Variants in ATG5 observed in about 807,000 individuals in gnomAD.
ATG5 encodes autophagy related 5.
Under a neutral mutation model 36.5 loss-of-function variants are expected in ATG5, and 14 were observed. The observed-to-expected ratio is 0.38, with a 90% confidence interval of 0.25 to 0.60. The LOEUF (loss-of-function observed/expected upper bound fraction) is 0.60, where lower values mean the gene tolerates loss of function less well. Ranked by LOEUF, ATG5 falls within the 20% of genes least tolerant of loss-of-function variation. ATG5 has a pLI of 0.60. For missense variants in ATG5, 195 were observed against 326.7 expected (o/e 0.60, Z 3.11); for synonymous variants, 95 against 101.5 (o/e 0.94, Z 0.38).
chr6:106,282,793 G>A (rs996113812), intron 4 of ATG5, among the ~76,000 whole-genome samples: 3 of 151,926 alleles, frequency 2.0e-5, no homozygotes, highest in African/African-American at 2.4e-5. Flanking sequence ...CATGGATTGA[G>A]ATTTTTTTAT....
At chr6:106,278,642 T>C (rs75527838) in intron 5 of ATG5, among the ~76,000 whole-genome samples, 26,513 of 152,208 alleles carry the variant, frequency 0.17, 2,723 homozygotes, top group African/African-American at 0.28. Context: ...TTTCTTTCTA[T>C]TCAAATTTCA....
intron 6 of ATG5, among the ~76,000 whole-genome samples, chr6:106,234,648 T>G (rs1777822905): frequency 6.6e-6 from 1 of 152,232 alleles, no homozygotes; most frequent in African/African-American, 2.4e-5. Flanking sequence ...TCATTCTTAG[T>G]GCCCCCATGA....
intron 7 of ATG5, among the ~76,000 whole-genome samples, chr6:106,191,630 T>C (rs967546716): frequency 6.6e-6 from 1 of 152,064 alleles, no homozygotes; most frequent in Admixed American, 6.6e-5. Context: ...CCAAGCAAAG[T>C]ACTCAGCAGC....
chr6:106,288,391 T>C (rs887131968), intron 4 of ATG5, among the ~76,000 whole-genome samples: 5 of 152,096 alleles, frequency 3.3e-5, no homozygotes, highest in African/African-American at 1.2e-4. Context: ...TAAAAACCAA[T>C]GAGAAAAGCT....
intron 6 of ATG5, among the ~76,000 whole-genome samples, chr6:106,246,687 C>T (rs1195649621): frequency 2.0e-5 from 3 of 152,146 alleles, no homozygotes; most frequent in Non-Finnish European, 2.9e-5. Context: ...CAAATAAGTG[C>T]TGAGAGGTAT....
In ATG5 at chr6:106,276,235, C is replaced by T. The variant is rs575010529; in HGVS notation, c.478+3426G>A. Among the ~76,000 whole-genome samples, 937 of 152,132 alleles carry T rather than the reference C, an allele frequency of 6.2e-3. 4 individuals are homozygous for T. The highest frequency in any genetic ancestry group is 0.011 in the Non-Finnish European group (780 of 67,986). On this transcript the variant is annotated intron_variant, in intron 5 of 7. Transcript: ENST00000369076. ...ATCCCAGCACTTTGGGAGGCCGAGG[C>T]GGGTGGATCACGAGGTCAGGAGATC...
At chr6:106,253,087 A>C (rs761991601) in intron 5 of ATG5, among the ~76,000 whole-genome samples, 2 of 152,254 alleles carry the variant, frequency 1.3e-5, no homozygotes, top group Non-Finnish European at 2.9e-5. Context: ...GACCCATATG[A>C]ATTAATTTCT....
At chr6:106,218,105 G>A (rs919692799) in intron 6 of ATG5, among the ~76,000 whole-genome samples, 1 of 152,124 alleles carries the variant, frequency 6.6e-6, no homozygotes, top group African/African-American at 2.4e-5. Flanking sequence ...TTTGGTAAGG[G>A]GTTGAGTAAG....
intron 6 of ATG5, among the ~76,000 whole-genome samples, chr6:106,246,392 TCACACA>T (rs72252671): frequency 0.021 from 2,775 of 129,540 alleles, 33 homozygotes; most frequent in Non-Finnish European, 0.024. Context: ...TCTCTCTCTC[TCACACA>T]CACACACACA....
intron 5 of ATG5, among the ~76,000 whole-genome samples, chr6:106,271,348 T>A (rs568304427): frequency 6.6e-6 from 1 of 152,316 alleles, no homozygotes; most frequent in African/African-American, 2.4e-5. Context: ...TGGGAGCTGA[T>A]TAGGTCATAA....
At chr6:106,282,537 T>C (rs1297844510) in intron 4 of ATG5, among the ~76,000 whole-genome samples, 2 of 152,252 alleles carry the variant, frequency 1.3e-5, no homozygotes, top group Non-Finnish European at 2.9e-5. Context: ...CGATGCATTA[T>C]GGAAGTGCTT....
At chr6:106,296,544 G>A (rs971237900) in intron 3 of ATG5, among the ~76,000 whole-genome samples, 7 of 152,178 alleles carry the variant, frequency 4.6e-5, no homozygotes, top group African/African-American at 7.2e-5. Context: ...CAGGCTGGGC[G>A]TGGTGGCTCA....
At chr6:106,277,728 C>T (rs1315324131) in intron 5 of ATG5, among the ~76,000 whole-genome samples, 1 of 152,174 alleles carries the variant, frequency 6.6e-6, no homozygotes, top group African/African-American at 2.4e-5. Flanking sequence ...ACATGATAAT[C>T]GCTTGAACCT....
At chr6:106,285,811 A>T (rs1044896197) in intron 4 of ATG5, among the ~76,000 whole-genome samples, 1 of 152,198 alleles carries the variant, frequency 6.6e-6, no homozygotes, top group Non-Finnish European at 1.5e-5. Flanking sequence ...ATATTTTTTT[A>T]AATTTTTTTC....
At chr6:106,309,542 C>G (rs1005525865) in intron 2 of ATG5, among the ~76,000 whole-genome samples, 2 of 152,026 alleles carry the variant, frequency 1.3e-5, no homozygotes, top group Admixed American at 6.5e-5. Flanking sequence ...ATAAGTTATT[C>G]TTTTATAAAG....
chr6:106,186,935 T>C (rs570662896), intron 7 of ATG5, among the ~76,000 whole-genome samples: 1 of 152,164 alleles, frequency 6.6e-6, no homozygotes, highest in East Asian at 1.9e-4. Flanking sequence ...ATTACTGTGC[T>C]TACTTAAGAT....
At chr6:106,321,398 G>A (rs1169474076) in intron 1 of ATG5, among the ~76,000 whole-genome samples, 2 of 148,960 alleles carry the variant, frequency 1.3e-5, no homozygotes, top group Admixed American at 6.7e-5. Context: ...TCGCTCTGTC[G>A]CTCAGGATGG....
intron 2 of ATG5, among the ~76,000 whole-genome samples, chr6:106,314,368 C>T (rs1351310325): frequency 6.6e-6 from 1 of 152,012 alleles, no homozygotes; most frequent in Non-Finnish European, 1.5e-5. Context: ...ACCAGCCTGG[C>T]CAACATAGCG....
chr6:106,246,382 TCTCTCTCTCTCA>T, intron 6 of ATG5, among the ~76,000 whole-genome samples: 1 of 95,214 alleles, frequency 1.1e-5, no homozygotes, highest in Non-Finnish European at 2.0e-5. Context: ...TCTCTCTCTC[TCTCTCTCTCTCA>T]CACACACACA....
Sources: allele counts gnomAD v4.1 joint callset (sites outside exome capture counted in the v4.1 genomes callset), GRCh38; gene constraint gnomAD v4.1.1; transcripts MANE v1.5; gene names NCBI Gene and HGNC (gene_info 2026-07-23, HGNC 2026-07-21).